Variants in PTPRT observed in about 807,000 individuals in gnomAD.
PTPRT encodes protein tyrosine phosphatase receptor type T.
A neutral mutation model predicts 176.8 loss-of-function variants in PTPRT; 56 were observed. The observed-to-expected ratio is 0.32, with a 90% CI of 0.26 to 0.40. The LOEUF (loss-of-function observed/expected upper bound fraction) is 0.40. PTPRT is among the 10% of genes least tolerant of loss of function. The probability of loss-of-function intolerance (pLI) is 1.00; values close to 1 mark genes in which losing one functional copy is unlikely to be tolerated. For missense variants in PTPRT, 1,540 were observed against 1,908.2 expected (o/e 0.81, Z 3.60); for synonymous variants, 783 against 739.0 (o/e 1.06, Z -0.96).
At chr20:42,159,715 G>A (rs1033043799) in intron 17 of PTPRT, among the ~76,000 whole-genome samples, 4 of 152,160 alleles carry the variant, frequency 2.6e-5, no homozygotes, top group African/African-American at 9.7e-5. Context: ...TCCCAAGCTT[G>A]TAATTACTTA....
At chr20:42,327,573 G>T (rs1383061614) in intron 11 of PTPRT, among the ~76,000 whole-genome samples, 1 of 151,980 alleles carries the variant, frequency 6.6e-6, no homozygotes, top group Non-Finnish European at 1.5e-5. Context: ...ACCCTCAAAT[G>T]GTTGAATAAC....
At chr20:42,203,705 T>C (rs563961919) in intron 15 of PTPRT, among the ~76,000 whole-genome samples, 3 of 152,274 alleles carry the variant, frequency 2.0e-5, no homozygotes, top group South Asian at 2.1e-4. Flanking sequence ...TTAATCCACA[T>C]GGAACATGAA....
chr20:43,184,040 A>T (rs2015329760), intron 1 of PTPRT, among the ~76,000 whole-genome samples: 1 of 152,204 alleles, frequency 6.6e-6, no homozygotes, highest in South Asian at 2.1e-4. Context: ...GCTGGATTTT[A>T]TGGGGAGTGT....
chr20:43,083,337 T>TACATATATATACATAC (rs1489432968), intron 1 of PTPRT, among the ~76,000 whole-genome samples: 1 of 105,792 alleles, frequency 9.5e-6, no homozygotes, highest in African/African-American at 3.7e-5. Context: ...TATATATATA[T>TACATATATATACATAC]ATATATATAT....
chr20:42,883,375 T>C (rs1049531764), intron 2 of PTPRT, among the ~76,000 whole-genome samples: 1 of 151,934 alleles, frequency 6.6e-6, no homozygotes, highest in Non-Finnish European at 1.5e-5. Flanking sequence ...AACAAAGTGA[T>C]TGATTGGAAA....
At chr20:42,267,973 C>T (rs945171149) in intron 13 of PTPRT, among the ~76,000 whole-genome samples, 2 of 152,092 alleles carry the variant, frequency 1.3e-5, no homozygotes, top group African/African-American at 2.4e-5. Context: ...GGATCACCAG[C>T]CCAGAAGGTG....
At chr20:42,784,911 T>C (rs1172354796) in intron 3 of PTPRT, among the ~76,000 whole-genome samples, 1 of 152,194 alleles carries the variant, frequency 6.6e-6, no homozygotes, top group Non-Finnish European at 1.5e-5. Context: ...TGATCTGAAG[T>C]ACACGTGACT....
At chr20:42,969,576 T>A (rs567063397) in intron 1 of PTPRT, 1 of 152,176 alleles carries the variant, frequency 6.6e-6, no homozygotes, top group African/African-American at 2.4e-5. Flanking sequence ...AGCCATAAAA[T>A]CAACCTATGG....
chr20:42,922,132 C>T (rs570404317), intron 1 of PTPRT, among the ~76,000 whole-genome samples: 5 of 152,228 alleles, frequency 3.3e-5, no homozygotes, highest in South Asian at 2.1e-4. Context: ...GATGGGGTTT[C>T]GCTATATTGG....
chr20:42,160,596 A>G (rs1404636890), intron 17 of PTPRT, among the ~76,000 whole-genome samples: 1 of 152,360 alleles, frequency 6.6e-6, no homozygotes, highest in East Asian at 1.9e-4. Flanking sequence ...GAGACCTGTC[A>G]GGAGACCAGA....
chr20:42,855,461 G>A (rs1460749668), intron 2 of PTPRT, among the ~76,000 whole-genome samples: 1 of 127,666 alleles, frequency 7.8e-6, no homozygotes, highest in Non-Finnish European at 1.6e-5. Flanking sequence ...TGGAGACAGA[G>A]TCTCACTCCA....
At chr20:42,508,296 A>G (rs556977359) in intron 7 of PTPRT, among the ~76,000 whole-genome samples, 7 of 152,086 alleles carry the variant, frequency 4.6e-5, no homozygotes, top group Admixed American at 3.9e-4. Context: ...GTGAATTCTA[A>G]GCTGTGGATT....
At chr20:42,222,342 A>G (rs192646004) in intron 15 of PTPRT, among the ~76,000 whole-genome samples, 3 of 152,228 alleles carry the variant, frequency 2.0e-5, no homozygotes, top group African/African-American at 7.2e-5. Flanking sequence ...TGCAATATAT[A>G]GATTGGATTT....
In PTPRT at chr20:42,268,513, T is replaced by C. The variant is rs368074717; in HGVS notation, c.2176+13976A>G. ...GACGAGAGTCACTTTTCTCCCACTG[T>C]CCATCTGCAACTCCCACCTCCCTTT... On this transcript the variant is annotated intron_variant, in intron 13 of 30. Coordinates refer to ENST00000373187, the MANE Select transcript of PTPRT (RefSeq NM_007050.6). Among the ~76,000 whole-genome samples, 10 of 152,306 alleles carry C rather than the reference T, an allele frequency of 6.6e-5. No individual in the cohort carries two copies. The East Asian group carries it at 1.7e-3, about 26-fold the overall frequency.
chr20:42,097,237 C>A (rs1401198518), intron 27 of PTPRT, among the ~76,000 whole-genome samples: 6 of 152,244 alleles, frequency 3.9e-5, no homozygotes, highest in Non-Finnish European at 8.8e-5. Flanking sequence ...GACCTCTCTG[C>A]AAGCTGGGCT....
intron 13 of PTPRT, among the ~76,000 whole-genome samples, chr20:42,265,424 T>C (rs1272286797): frequency 6.6e-6 from 1 of 152,236 alleles, no homozygotes; most frequent in Non-Finnish European, 1.5e-5. Flanking sequence ...GAAGTTTAAA[T>C]GAGTTAATGA....
At chr20:42,829,207 C>CGATTT (rs74661395) in intron 2 of PTPRT, among the ~76,000 whole-genome samples, 14,867 of 152,164 alleles carry the variant, frequency 0.098, 781 homozygotes, top group African/African-American at 0.14. Context: ...CTGCCTGATT[C>CGATTT]TAGATTTGCA....
At chr20:42,154,798 A>G (rs1302798330) in intron 17 of PTPRT, among the ~76,000 whole-genome samples, 2 of 151,964 alleles carry the variant, frequency 1.3e-5, no homozygotes, top group South Asian at 4.2e-4. Flanking sequence ...CACATCTCTT[A>G]TATTTTGCTG....
chr20:42,074,687 G>A lies in PTPRT; in HGVS notation c.*6192C>T, dbSNP rs963493182. 2 of 398,114 alleles carry A rather than the reference G, an allele frequency of 5.0e-6. No homozygotes were observed. The highest frequency in any genetic ancestry group is 4.1e-5 in the African/African-American group (2 of 48,620). 24.7% of individuals were successfully genotyped at this position (398,114 alleles called of 1,614,324 possible). Reference sequence around the variant, plus strand: ...GATAGGTGGGATGCTAGGTTTGGAGGCTACCATTGTGAGTGTTGATGCCTC... The same window carrying A: ...GATAGGTGGGATGCTAGGTTTGGAGACTACCATTGTGAGTGTTGATGCCTC... On this transcript the variant is annotated 3_prime_UTR_variant, in exon 31 of 31. Transcript: ENST00000373187.
Sources: gnomAD v4.1 joint callset for allele counts (sites outside exome capture counted in the v4.1 genomes callset) on GRCh38, gnomAD v4.1.1 for gene constraint, MANE v1.5 for transcripts, NCBI Gene and HGNC (gene_info 2026-07-23, HGNC 2026-07-21) for gene names.